PANK1: variants seen among roughly 807,000 people sequenced by gnomAD.
PANK1 encodes pantothenate kinase 1, also known as pantothenic acid kinase 1.
A neutral mutation model predicts 40.1 loss-of-function variants in PANK1; 18 were observed. The ratio of observed to expected loss-of-function variants is 0.45; its 90% CI spans 0.31 to 0.67. The LOEUF is 0.67. PANK1 is among the 30% of genes least tolerant of loss of function. The pLI is 0.06. For missense variants in PANK1, 457 were observed against 599.6 expected (o/e 0.76, Z 2.48); for synonymous variants, 242 against 237.7 (o/e 1.02, Z -0.17).
chr10:89,620,366 G>A (rs1015828986), intron 1 of PANK1, among the ~76,000 whole-genome samples: 1 of 152,170 alleles, frequency 6.6e-6, no homozygotes, highest in Non-Finnish European at 1.5e-5. Context: ...GAATAACCCT[G>A]GGAAAGGAAT....
Position 89,609,357 on chromosome 10 carries a change from G to A in PANK1, c.645+2339C>T, listed in dbSNP as rs117902074. 1.4e-3 allele frequency among the ~76,000 whole-genome samples: 218 copies of A among 152,210 alleles called. 1 individual carries two copies. Among genetic ancestry groups the A allele is most frequent in the Admixed American group, 2.6e-3 (39 of 15,294 alleles). ...GGGATTACAGGTGTGAGCCACTTTC[G>A]CCTGACTCTATATTCACTTTTTAAA... On this transcript the variant is annotated intron_variant, in intron 2 of 6. Transcript: ENST00000307534.
At chr10:89,616,324 A>G (rs562989287) in intron 1 of PANK1, among the ~76,000 whole-genome samples, 1 of 152,360 alleles carries the variant, frequency 6.6e-6, no homozygotes, top group African/African-American at 2.4e-5. Context: ...GCATGAGGAG[A>G]CATACACAAA....
chr10:89,643,280 C>T (rs935985443), intron 1 of PANK1, among the ~76,000 whole-genome samples: 13 of 152,172 alleles, frequency 8.5e-5, no homozygotes, highest in African/African-American at 2.7e-4. Flanking sequence ...TAAGTCCTGA[C>T]TTTTAAAATA....
At chr10:89,615,912 G>T (rs775970439) in intron 1 of PANK1, among the ~76,000 whole-genome samples, 2 of 152,168 alleles carry the variant, frequency 1.3e-5, no homozygotes, top group Non-Finnish European at 1.5e-5. Flanking sequence ...TCCTAGTGCA[G>T]CTATGATCCA....
intron 1 of PANK1, chr10:89,643,865 T>A (rs1226591497): frequency 6.8e-7 from 1 of 1,476,082 alleles, no homozygotes; most frequent in East Asian, 2.4e-5. Flanking sequence ...TATACAAGCT[T>A]TAGATTGTGA....
chr10:89,645,170 G>A lies in PANK1; in HGVS notation c.-279C>T. ...GGGATCCCCGCGCACCCCCAGCCGG[G>A]GCTCCCGCCGCCCGCCTTCCCCTGA... On this transcript the variant is annotated 5_prime_UTR_variant, in exon 1 of 7. Transcript: ENST00000307534. The A allele has an allele frequency of 6.4e-7, 1 of 1,555,856 alleles. No individual in the cohort carries two copies. The highest frequency in any genetic ancestry group is 8.7e-7 in the Non-Finnish European group (1 of 1,154,606).
intron 3 of PANK1, among the ~76,000 whole-genome samples, chr10:89,598,628 G>A (rs1468921609): frequency 1.3e-5 from 2 of 152,144 alleles, no homozygotes; most frequent in African/African-American, 4.8e-5. Context: ...CCGTTAACAG[G>A]AAGCTGAGCC....
At chr10:89,611,084 A>T (rs7087473) in intron 2 of PANK1, among the ~76,000 whole-genome samples, 82,367 of 152,064 alleles carry the variant, frequency 0.54, 23,222 homozygotes, top group South Asian at 0.63. Context: ...ACAGTTTGTA[A>T]GTACTGCCAG....
chr10:89,631,833 T>A (rs1165445013), intron 1 of PANK1, among the ~76,000 whole-genome samples: 1 of 152,208 alleles, frequency 6.6e-6, no homozygotes, highest in Admixed American at 6.5e-5. Flanking sequence ...ATTATCCACC[T>A]ACAAATGAGA....
chr10:89,619,097 G>A (rs928067081), intron 1 of PANK1, among the ~76,000 whole-genome samples: 1 of 152,042 alleles, frequency 6.6e-6, no homozygotes, highest in Admixed American at 6.6e-5. Flanking sequence ...GTGTTAAAAA[G>A]GTATATAGGT....
At chr10:89,643,656 C>G (rs760464958) in intron 1 of PANK1, 1 of 1,470,612 alleles carries the variant, frequency 6.8e-7, no homozygotes, top group Non-Finnish European at 9.5e-7. Flanking sequence ...AGCATAACCT[C>G]TATGCAAATG....
intron 1 of PANK1, among the ~76,000 whole-genome samples, chr10:89,619,172 T>C (rs1845407168): frequency 6.6e-6 from 1 of 152,248 alleles, no homozygotes; most frequent in Non-Finnish European, 1.5e-5. Context: ...TATCTGGTAG[T>C]AGTTAAAACT....
intron 1 of PANK1, among the ~76,000 whole-genome samples, chr10:89,631,966 G>A: frequency 1.2e-5 from 1 of 82,896 alleles, no homozygotes; most frequent in East Asian, 5.9e-4. Context: ...TTGTGTGTGT[G>A]TGTGTGTGTG....
intron 5 of PANK1, among the ~76,000 whole-genome samples, chr10:89,590,491 T>A (rs1173048606): frequency 3.3e-5 from 5 of 152,324 alleles, no homozygotes; most frequent in African/African-American, 1.2e-4. Context: ...GGGAACTTTA[T>A]ATCTGTTAAT....
rs1422880623 is a variant in PANK1, at chr10:89,644,669, G to T, written c.223C>A (p.Gln75Lys). 2 of 1,569,612 alleles carry T rather than the reference G, an allele frequency of 1.3e-6. No homozygotes were observed. The highest frequency in any genetic ancestry group is 3.5e-5 in the Admixed American group (2 of 57,674). Residue 75 changes from glutamine to lysine, a missense_variant, in exon 1 of 7, where the codon CAG becomes AAG. Coordinates refer to ENST00000307534, the MANE Select transcript of PANK1 (RefSeq NM_148977.3). ...PELQPQPLLP[Q>K]HDSPAKKCRL... ...CATTTCTTGGCCGGGGAGTCATGCT[G>T]AGGGAGCAGTGGCTGCGGCTGCAGC...
downstream of PANK1, chr10:89,581,034 G>A (rs1365059857): frequency 6.6e-6 from 1 of 151,596 alleles, no homozygotes; most frequent in African/African-American, 2.4e-5. Context: ...ATTTAGTAAT[G>A]TACCTGTCTT....
intron 3 of PANK1, among the ~76,000 whole-genome samples, chr10:89,597,813 C>T (rs1172886024): frequency 6.6e-6 from 1 of 152,154 alleles, no homozygotes; most frequent in Non-Finnish European, 1.5e-5. Flanking sequence ...AATGTAAAAC[C>T]AACTCAGCTG....
chr10:89,599,244 A>G lies in PANK1; in HGVS notation c.899+8T>C. On this transcript the variant is annotated splice_region_variant and intron_variant, in intron 3 of 6. Coordinates refer to ENST00000307534, the MANE Select transcript of PANK1 (RefSeq NM_148977.3). The stretch of plus-strand genomic sequence containing the variant: ...TCTGGGTTCAAGCACAAGCAGAAAC[A>G]TGTTTACCTGGTCCCTGTAACTCTT... 1.2e-6 allele frequency: 2 copies of G among 1,611,248 alleles called. No homozygotes were observed. Among genetic ancestry groups the G allele is most frequent in the Non-Finnish European group, 8.5e-7 (1 of 1,178,520 alleles).
intron 1 of PANK1, among the ~76,000 whole-genome samples, chr10:89,631,372 C>G (rs540350264): frequency 1.4e-4 from 22 of 152,256 alleles, no homozygotes; most frequent in African/African-American, 5.1e-4. Flanking sequence ...AATTAAAATA[C>G]AGAGTCCTAG....
Sources: gnomAD v4.1 joint callset for allele counts (sites outside exome capture counted in the v4.1 genomes callset) on GRCh38, gnomAD v4.1.1 for gene constraint, MANE v1.5 for transcripts, NCBI Gene and HGNC (gene_info 2026-07-23, HGNC 2026-07-21) for gene names.